CSNK2A2IP: variants seen among roughly 807,000 people sequenced by gnomAD.
CSNK2A2IP encodes casein kinase II subunit alpha'-interacting protein.
At chr3:88,420,746 T>C in the CSNK2A2IP span, among the ~76,000 whole-genome samples, 1 of 152,118 alleles carries the variant, frequency 6.6e-6, no homozygotes, top group Non-Finnish European at 1.5e-5. Context: ...TGTTATTTGG[T>C]TTATGACATA....
the CSNK2A2IP span, among the ~76,000 whole-genome samples, chr3:88,370,450 G>A: frequency 4.3e-4 from 65 of 151,810 alleles, 1 homozygote; most frequent in South Asian, 4.6e-3. Flanking sequence ...TCTGTGCAAA[G>A]TTGTGTTTTT....
At chr3:88,462,643 T>A in the CSNK2A2IP span, among the ~76,000 whole-genome samples, 1 of 152,156 alleles carries the variant, frequency 6.6e-6, no homozygotes, top group Non-Finnish European at 1.5e-5. Context: ...AATCAACAGG[T>A]CTTGGTGTCT....
chr3:88,467,283 CT>C, the CSNK2A2IP span: 7 of 400,696 alleles, frequency 1.7e-5, no homozygotes, highest in Non-Finnish European at 3.1e-5. Context: ...CATCTTCTTC[CT>C]CCTCTTCCTT....
chr3:88,416,625 G>A, the CSNK2A2IP span, among the ~76,000 whole-genome samples: 15 of 152,044 alleles, frequency 9.9e-5, no homozygotes, highest in Admixed American at 7.9e-4. Context: ...ACCATACCAC[G>A]GAATCATAGA....
chr3:88,385,715 G>A, the CSNK2A2IP span, among the ~76,000 whole-genome samples: 1 of 152,186 alleles, frequency 6.6e-6, no homozygotes, highest in Non-Finnish European at 1.5e-5. Context: ...AAGAAGATGA[G>A]AGCCGTTGAA....
the CSNK2A2IP span, among the ~76,000 whole-genome samples, chr3:88,377,268 C>G: frequency 1.3e-5 from 2 of 151,786 alleles, no homozygotes; most frequent in Admixed American, 6.6e-5. Flanking sequence ...TCCCAAACTT[C>G]TCCTTCTCAC....
At chr3:88,391,813 A>G in the CSNK2A2IP span, among the ~76,000 whole-genome samples, 1 of 152,196 alleles carries the variant, frequency 6.6e-6, no homozygotes, top group Non-Finnish European at 1.5e-5. Flanking sequence ...GCCTTGTTGG[A>G]GATCATAGCT....
At chr3:88,393,041 A>C in the CSNK2A2IP span, among the ~76,000 whole-genome samples, 1 of 152,188 alleles carries the variant, frequency 6.6e-6, no homozygotes, top group Non-Finnish European at 1.5e-5. Context: ...CCTTTGTATC[A>C]GGAGGAAAGG....
the CSNK2A2IP span, among the ~76,000 whole-genome samples, chr3:88,375,811 A>G: frequency 1.3e-5 from 2 of 151,828 alleles, no homozygotes; most frequent in South Asian, 2.1e-4. Context: ...CCTGACCCAC[A>G]TATTCACTCA....
the CSNK2A2IP span, among the ~76,000 whole-genome samples, chr3:88,394,691 G>A: frequency 1.7e-4 from 26 of 152,296 alleles, no homozygotes; most frequent in African/African-American, 6.0e-4. Flanking sequence ...GCATTTCTAA[G>A]ATGGCTAATG....
the CSNK2A2IP span, among the ~76,000 whole-genome samples, chr3:88,404,592 C>T: frequency 2.0e-5 from 3 of 149,416 alleles, no homozygotes; most frequent in Non-Finnish European, 4.5e-5. Context: ...TCTCCATTTA[C>T]TCTTTGTTTC....
At chr3:88,384,338 T>C in the CSNK2A2IP span, among the ~76,000 whole-genome samples, 1 of 150,038 alleles carries the variant, frequency 6.7e-6, no homozygotes, top group African/African-American at 2.4e-5. Context: ...TCCCTCTCTC[T>C]CTCTCCTTTC....
the CSNK2A2IP span, among the ~76,000 whole-genome samples, chr3:88,389,515 C>A: frequency 0.038 from 5,724 of 152,130 alleles, 264 homozygotes; most frequent in African/African-American, 0.11. Context: ...AGGATGCTGG[C>A]TTTTCTCCTT....
the CSNK2A2IP span, among the ~76,000 whole-genome samples, chr3:88,446,038 C>CTTTG: frequency 6.1e-3 from 69 of 11,326 alleles, 2 homozygotes; most frequent in Admixed American, 0.013. Flanking sequence ...TCTTTTCTTT[C>CTTTG]TTTCTTTCTT....
the CSNK2A2IP span, among the ~76,000 whole-genome samples, chr3:88,421,780 A>C: frequency 6.6e-6 from 1 of 152,096 alleles, no homozygotes; most frequent in Non-Finnish European, 1.5e-5. Flanking sequence ...TTTATCAAGA[A>C]ACAACTCCAC....
chr3:88,397,758 CCTAT>C, the CSNK2A2IP span, among the ~76,000 whole-genome samples: 1 of 81,950 alleles, frequency 1.2e-5, no homozygotes, highest in African/African-American at 3.5e-5. Context: ...TAGGATATCT[CCTAT>C]CTCTTTTTTT....
At chr3:88,415,240 T>C in the CSNK2A2IP span, among the ~76,000 whole-genome samples, 11 of 152,048 alleles carry the variant, frequency 7.2e-5, no homozygotes, top group African/African-American at 1.9e-4. Flanking sequence ...GCAAGTAACA[T>C]TATTCTCTGA....
the CSNK2A2IP span, among the ~76,000 whole-genome samples, chr3:88,400,491 T>C: frequency 6.6e-6 from 1 of 152,152 alleles, no homozygotes; most frequent in Non-Finnish European, 1.5e-5. Context: ...GCAGGTGTGA[T>C]TACATTAAGA....
chr3:88,412,501 C>T, the CSNK2A2IP span, among the ~76,000 whole-genome samples: 3 of 151,956 alleles, frequency 2.0e-5, no homozygotes, highest in Non-Finnish European at 4.4e-5. Flanking sequence ...TAATAAGTTT[C>T]AGTTATTGGG....
Sources: allele counts gnomAD v4.1 joint callset (sites outside exome capture counted in the v4.1 genomes callset), GRCh38; gene constraint gnomAD v4.1.1; transcripts MANE v1.5; gene names NCBI Gene and HGNC (gene_info 2026-07-23, HGNC 2026-07-21).